TGFB3: variants seen among roughly 807,000 people sequenced by gnomAD.
TGFB3 encodes transforming growth factor beta 3, also known as transforming growth factor beta-3 proprotein.
TGFB3 carries 5 observed loss-of-function variants against 40.1 expected under a neutral mutation model. The observed-to-expected ratio is 0.12, with a 90% CI of 0.07 to 0.26. The LOEUF (loss-of-function observed/expected upper bound fraction) is 0.26. Among genes scored for constraint, TGFB3 ranks in the 10% least tolerant of loss-of-function variants. The pLI is 1.00. For missense variants in TGFB3, 373 were observed against 530.1 expected, an observed-to-expected ratio of 0.70 and a Z score of 2.91; for synonymous variants, 184 against 205.6, an observed-to-expected ratio of 0.89 and a Z score of 0.90.
In TGFB3 at chr14:75,979,800, C is replaced by T. The variant is rs1001813915; in HGVS notation, c.352+742G>A. Among the ~76,000 whole-genome samples, 1 of 152,080 alleles carries T rather than the reference C, an allele frequency of 6.6e-6. No homozygotes were observed. Among genetic ancestry groups the T allele is most frequent in the Non-Finnish European group, 1.5e-5 (1 of 68,012 alleles). ...CCTCTACGCATCCACAGCCAAAACC[C>T]GCTCTCCCCGTGCCCACCGGCCTGG... On this transcript the variant is annotated intron_variant, in intron 1 of 6. Transcript: ENST00000238682. The surrounding 1 kb of genome is among the most constrained non-coding windows in gnomAD (Gnocchi z 4.8).
rs371734107 is a variant in TGFB3 at position 75,964,008 on chromosome 14, C to T, written c.755-521G>A. On this transcript the variant is annotated intron_variant, in intron 4 of 6. Transcript: ENST00000238682. ...TCTCCTGCCTCAGCCTCCCAAGTAG[C>T]TGGGATTACAGGTGCATGCCACCAT... is the stretch of plus-strand genomic sequence containing the variant. 5.9e-5 allele frequency among the ~76,000 whole-genome samples: 9 copies of T among 152,276 alleles called. 1 individual carries two copies. In the South Asian group the frequency reaches 1.9e-3, roughly 32 times the overall value.
chr14:75,961,274 T>C (rs564249022), intron 5 of TGFB3, among the ~76,000 whole-genome samples, 198 bp from the exon 6 acceptor site: 7 of 152,288 alleles, frequency 4.6e-5, no homozygotes, highest in African/African-American at 1.7e-4. Flanking sequence ...ATCCCAAGGA[T>C]GTAAGAAACA....
At chr14:75,959,465 G>C in intron 6 of TGFB3, 120 bp from the exon 7 acceptor site, 1 of 1,224,120 alleles carries the variant, frequency 8.2e-7, no homozygotes, top group Non-Finnish European at 1.2e-6. Flanking sequence ...GGCCACGGGT[G>C]CTCTTTAAGA....
At position 75,964,532 on chromosome 14, in the gene TGFB3, G is replaced by A. The variant is rs561866821; in HGVS notation, c.755-1045C>T. Among the ~76,000 whole-genome samples, 141 of 152,292 alleles carry A rather than the reference G, an allele frequency of 9.3e-4. 3 individuals carry two copies. The highest frequency in any genetic ancestry group is 1.7e-3 in the South Asian group (8 of 4,824). On this transcript the variant is annotated intron_variant, in intron 4 of 6. Coordinates refer to ENST00000238682, the MANE Select transcript of TGFB3 (RefSeq NM_003239.5). ...TCAACTAAATGGAGATCGATTTTGC[G>A]AAGGACAGCTGCCAACTGTTGTCCA...
At position 75,959,931 on chromosome 14, in the gene TGFB3, C is replaced by CTTTT. The variant is rs71122509; in HGVS notation, c.1081-590_1081-587dup. Among the ~76,000 whole-genome samples, 36 of 32,014 alleles carry CTTTT rather than the reference C, an allele frequency of 1.1e-3. 13 individuals are homozygous for CTTTT. The highest frequency in any genetic ancestry group is 1.1e-3 in the Non-Finnish European group (21 of 18,420). 21.0% of individuals were successfully genotyped at this position (32,014 alleles called of 152,430 possible). ...CTACACTGATAACGAATTATCTTGGCTTTTTTTTTTTTTTTTTTTTTTTTT... is the reference window on the plus strand; with the variant it reads ...CTACACTGATAACGAATTATCTTGGCTTTTTTTTTTTTTTTTTTTTTTTTTTTTT... On this transcript the variant is annotated intron_variant, in intron 6 of 6. Coordinates refer to ENST00000238682, the MANE Select transcript of TGFB3 (RefSeq NM_003239.5).
rs961202839 is a variant in TGFB3, at chr14:75,979,700, C to CA, written c.352+841_352+842insT. On this transcript the variant is annotated intron_variant, in intron 1 of 6. Transcript: ENST00000238682. The surrounding 1 kb of genome is among the most constrained non-coding windows in gnomAD (Gnocchi z 4.8). ...GACGGCAGGCTCCCAGACATATCCC[C>CA]CCCCCCCACCATGCACCCACTGCCA... Among the ~76,000 whole-genome samples the CA allele has an allele frequency of 6.7e-6, 1 of 150,172 alleles. No homozygotes were observed. The highest frequency in any genetic ancestry group is 1.5e-5 in the Non-Finnish European group (1 of 67,122).
At chr14:75,965,558 C>A in intron 4 of TGFB3, 30 bp downstream of exon 4, 1 of 1,572,542 alleles carries the variant, frequency 6.4e-7, no homozygotes, top group Non-Finnish European at 8.8e-7. Flanking sequence ...CCCCACTCAC[C>A]CATCCTACCA....
At chr14:75,982,310 G>A (rs534325270), upstream of TGFB3, among the ~76,000 whole-genome samples, 9 of 152,194 alleles carry the variant, frequency 5.9e-5, no homozygotes, top group South Asian at 2.1e-4. This position sits in a 1 kb window ranked among gnomAD's most constrained non-coding sequence, Gnocchi z 4.0. Flanking sequence ...GTCAGTCCGC[G>A]CCGTCCGCGG....
Position 75,979,433 on chromosome 14 carries a change from C to T in TGFB3, c.352+1109G>A, listed in dbSNP as rs764719154. Among the ~76,000 whole-genome samples, 9 of 152,108 alleles carry T rather than the reference C, an allele frequency of 5.9e-5. No homozygotes were observed. Among genetic ancestry groups the T allele is most frequent in the Non-Finnish European group, 7.4e-5 (5 of 68,014 alleles). On this transcript the variant is annotated intron_variant, in intron 1 of 6. Transcript: ENST00000238682. This position sits in a 1 kb window ranked among gnomAD's most constrained non-coding sequence, Gnocchi z 4.8. ...GCCTGGGCTGAGGTAGTCAGGGCGG[C>T]GAGGACACCTGCTGGTAGGAAAAGC...
At chr14:75,974,241 G>A (rs1159137570) in intron 1 of TGFB3, among the ~76,000 whole-genome samples, 2 of 152,154 alleles carry the variant, frequency 1.3e-5, no homozygotes, top group African/African-American at 4.8e-5. Context: ...TATGAGCTAA[G>A]AGAGTTCTCA....
intron 3 of TGFB3, among the ~76,000 whole-genome samples, chr14:75,969,954 G>A (rs545118583): frequency 3.2e-4 from 48 of 152,222 alleles, no homozygotes; most frequent in African/African-American, 9.9e-4. Context: ...CTGGGCTGCC[G>A]CCGTGGCTCC....
Position 75,978,769 on chromosome 14 carries a change from G to A in TGFB3, c.352+1773C>T, listed in dbSNP as rs2035385200. Among the ~76,000 whole-genome samples the A allele has an allele frequency of 6.6e-6, 1 of 152,206 alleles. No individual in the cohort carries two copies. Among genetic ancestry groups the A allele is most frequent in the Non-Finnish European group, 1.5e-5 (1 of 68,044 alleles). ...ATCAGTGTCCACTTGCACCTGCATG[G>A]CCTTGCCTCCACGTGGCTCATTCAT... is the stretch of plus-strand genomic sequence containing the variant. On this transcript the variant is annotated intron_variant, in intron 1 of 6. Coordinates refer to ENST00000238682, the MANE Select transcript of TGFB3 (RefSeq NM_003239.5). The surrounding 1 kb of genome is among the most constrained non-coding windows in gnomAD (Gnocchi z 5.0).
intron 5 of TGFB3, among the ~76,000 whole-genome samples, chr14:75,961,930 T>C (rs2035161620): frequency 6.6e-6 from 1 of 152,172 alleles, no homozygotes; most frequent in Non-Finnish European, 1.5e-5. Context: ...AGGAGAAGTA[T>C]GCAGGGGGTA....
chr14:75,967,460 G>T (rs1275002361), intron 3 of TGFB3, among the ~76,000 whole-genome samples: 1 of 152,222 alleles, frequency 6.6e-6, no homozygotes, highest in African/African-American at 2.4e-5. Flanking sequence ...CAAAGTAGCT[G>T]AAATGGGCTA....
At chr14:75,959,976 T>C (rs2035135376) in intron 6 of TGFB3, among the ~76,000 whole-genome samples, 1 of 115,324 alleles carries the variant, frequency 8.7e-6, no homozygotes, top group Non-Finnish European at 1.7e-5. Flanking sequence ...AGAGTCTCAC[T>C]CTTTCACCCA....
chr14:75,982,254 G>A (rs1430132210), upstream of TGFB3, among the ~76,000 whole-genome samples: 2 of 152,090 alleles, frequency 1.3e-5, no homozygotes, highest in Non-Finnish European at 2.9e-5. The surrounding 1 kb of genome is among the most constrained non-coding windows in gnomAD (Gnocchi z 4.0). Context: ...ACTCCGATGA[G>A]CCCCCTCCCT....
intron 1 of TGFB3, among the ~76,000 whole-genome samples, chr14:75,977,908 G>C (rs917804418): frequency 1.3e-5 from 2 of 152,006 alleles, no homozygotes; most frequent in Middle Eastern, 3.2e-3. Context: ...GAATGTCTAG[G>C]TTAGGGTCCC....
At chr14:75,969,391 G>A (rs1402630778) in intron 3 of TGFB3, among the ~76,000 whole-genome samples, 1 of 152,212 alleles carries the variant, frequency 6.6e-6, no homozygotes, top group Admixed American at 6.5e-5. Context: ...TACCAGCCAA[G>A]AAAAGGGAAA....
rs2035289045 is a variant in TGFB3, at chr14:75,971,316, A to G, written c.517-61T>C. ...AGGACAGAGTGCCCCAGAAGATGTC[A>G]CAATGCAGAGCACAGGTGAGGGAGC... On this transcript the variant is annotated intron_variant, in intron 2 of 6. Transcript: ENST00000238682. The surrounding 1 kb of genome is among the most constrained non-coding windows in gnomAD (Gnocchi z 4.5). 2 of 1,612,714 alleles carry G rather than the reference A, an allele frequency of 1.2e-6. No homozygotes were observed. The highest frequency in any genetic ancestry group is 1.7e-6 in the Non-Finnish European group (2 of 1,179,626).
Sources: allele counts gnomAD v4.1 joint callset (sites outside exome capture counted in the v4.1 genomes callset), GRCh38; gene constraint gnomAD v4.1.1; non-coding constraint Gnocchi (gnomAD v3.1); transcripts MANE v1.5; gene names NCBI Gene and HGNC (gene_info 2026-07-23, HGNC 2026-07-21).